PLEKHA8: variants seen among roughly 807,000 people sequenced by gnomAD.
The protein encoded by PLEKHA8 is pleckstrin homology domain-containing family A member 8.
Under a neutral mutation model 68.2 loss-of-function variants are expected in PLEKHA8, and 36 were observed. The ratio of observed to expected loss-of-function variants is 0.53; its 90% CI spans 0.40 to 0.70. The LOEUF (loss-of-function observed/expected upper bound fraction) is 0.70, where lower values mean the gene tolerates loss of function less well. Ranked by LOEUF, PLEKHA8 falls within the 30% of genes least tolerant of loss-of-function variation. PLEKHA8 has a pLI of 0.00. For synonymous variants in PLEKHA8, 211 were observed against 216.1 expected, an observed-to-expected ratio of 0.98 and a Z score of 0.20; for missense variants, 505 against 615.4, an observed-to-expected ratio of 0.82 and a Z score of 1.90.
Position 30,081,819 on chromosome 7 carries a change from T to C in PLEKHA8, c.*3032T>C. On this transcript the variant is annotated 3_prime_UTR_variant, in exon 14 of 14. Transcript: ENST00000449726. The stretch of plus-strand genomic sequence containing the variant: ...CCACACAATTTCATCGTGCCTGTAC[T>C]TTTCTCTATGGTAAAAGCCAGTGTT... 1.0e-6 allele frequency: 1 copy of C among 985,422 alleles called. No homozygotes were observed. The highest frequency in any genetic ancestry group is 5.2e-4 in the Middle Eastern group (1 of 1,914). 61.0% of individuals were successfully genotyped at this position (985,422 alleles called of 1,614,324 possible).
intron 7 of PLEKHA8, 150 bp downstream of exon 7, chr7:30,053,016 C>A: frequency 3.3e-6 from 2 of 602,594 alleles, no homozygotes; most frequent in Non-Finnish European, 5.4e-6. Flanking sequence ...AGTCATATGA[C>A]TGAACAACAT....
intron 13 of PLEKHA8, chr7:30,075,186 G>A (rs1438758235): frequency 1.3e-5 from 2 of 152,142 alleles, no homozygotes; most frequent in African/African-American, 4.8e-5. Context: ...GGTAAAGTGG[G>A]AAGAATGTAC....
rs189692178 is a variant in PLEKHA8, at chr7:30,082,881, A to G, written c.*4094A>G. ...CATTTGGGGAGCTTCCTGGAGGAAAATTAAGTTTTTTTCCTAGCAAACTAC... is the reference window on the plus strand; with the variant it reads ...CATTTGGGGAGCTTCCTGGAGGAAAGTTAAGTTTTTTTCCTAGCAAACTAC... On this transcript the variant is annotated 3_prime_UTR_variant, in exon 14 of 14. Coordinates refer to ENST00000449726, the MANE Select transcript of PLEKHA8 (RefSeq NM_001197026.2). The G allele has an allele frequency of 2.5e-5, 25 of 985,344 alleles. No homozygotes were observed. Among genetic ancestry groups the G allele is most frequent in the Middle Eastern group, 5.2e-4 (1 of 1,914 alleles). The allele number at this position is 985,344 out of a possible 1,614,324, so 61.0% of individuals were successfully genotyped here.
chr7:30,104,600 T>C (rs13236810), intron 13 of PLEKHA8, among the ~76,000 whole-genome samples: 3 of 152,310 alleles, frequency 2.0e-5, no homozygotes, highest in South Asian at 2.1e-4. Context: ...TAGTGTCTTA[T>C]TCCATTTATA....
Position 30,056,312 on chromosome 7 carries a change from C to CTCTCTATATATA in PLEKHA8, c.1039+971_1039+972insCTCTATATATAT, listed in dbSNP as rs796845171. Among the ~76,000 whole-genome samples, 855 of 94,480 alleles carry CTCTCTATATATA rather than the reference C, an allele frequency of 9.0e-3. 21 individuals are homozygous for CTCTCTATATATA. The highest frequency in any genetic ancestry group is 0.011 in the Non-Finnish European group (530 of 47,248). 62.0% of individuals were successfully genotyped at this position (94,480 alleles called of 152,430 possible). A position where few individuals can be genotyped will look rare whatever the true frequency, so the allele number is the denominator to read the frequency against. The stretch of plus-strand genomic sequence containing the variant: ...TCTCTCTCTCTCTCTCTCTCTCTCT[C>CTCTCTATATATA]TATATATATATATATATATAAATAA... On this transcript the variant is annotated intron_variant, in intron 9 of 13. Coordinates refer to ENST00000449726, the MANE Select transcript of PLEKHA8 (RefSeq NM_001197026.2).
intron 4 of PLEKHA8, among the ~76,000 whole-genome samples, chr7:30,048,307 C>T (rs1380376405): frequency 6.6e-6 from 1 of 151,610 alleles, no homozygotes; most frequent in Non-Finnish European, 1.5e-5. Context: ...ATGTTTCTCT[C>T]CAGTTTATAT....
At position 30,028,746 on chromosome 7, in the gene PLEKHA8, G is replaced by T. The variant is rs776020840; in HGVS notation, c.-17G>T. 2.1e-5 allele frequency: 27 copies of T among 1,259,156 alleles called. No homozygotes were observed. The highest frequency in any genetic ancestry group is 2.5e-5 in the Non-Finnish European group (25 of 996,008). 78.0% of individuals were successfully genotyped at this position (1,259,156 alleles called of 1,614,324 possible). On this transcript the variant is annotated 5_prime_UTR_variant, in exon 1 of 14. Coordinates refer to ENST00000449726, the MANE Select transcript of PLEKHA8 (RefSeq NM_001197026.2). ...GTGAGGGGGCCGGCGGGCGTGGGCC[G>T]AGTGGCCGCGGGCGCCATGGAGGGG...
At chr7:30,034,839 A>T (rs1019802281) in intron 1 of PLEKHA8, among the ~76,000 whole-genome samples, 15 of 151,228 alleles carry the variant, frequency 9.9e-5, no homozygotes, top group African/African-American at 3.5e-4. Flanking sequence ...TTTGCAACAC[A>T]AAAGTTTTAA....
intron 13 of PLEKHA8, 89 bp downstream of exon 13, chr7:30,074,221 C>T: frequency 8.6e-7 from 1 of 1,160,418 alleles, no homozygotes; most frequent in South Asian, 1.3e-5. Context: ...AGTTATTTAT[C>T]TAGTCATGAT....
chr7:30,051,600 G>T (rs1385378289), intron 6 of PLEKHA8, among the ~76,000 whole-genome samples: 1 of 152,020 alleles, frequency 6.6e-6, no homozygotes, highest in Non-Finnish European at 1.5e-5. Context: ...GGCTTTTTCT[G>T]TTACCCTAAT....
intron 13 of PLEKHA8, among the ~76,000 whole-genome samples, chr7:30,119,356 A>C (rs1037623650): frequency 1.6e-4 from 25 of 152,172 alleles, no homozygotes; most frequent in African/African-American, 6.0e-4. Context: ...ATGCATGCGG[A>C]GGTTAAATCT....
In PLEKHA8 at chr7:30,078,884, C is replaced by G. The variant is rs774092647; in HGVS notation, c.*97C>G. Reference sequence around the variant, plus strand: ...AGCAACAGCCTCAACCCTCTCCAACCCCTTCACCTGGGGGGATGGACAGGA... The same window carrying G: ...AGCAACAGCCTCAACCCTCTCCAACGCCTTCACCTGGGGGGATGGACAGGA... On this transcript the variant is annotated 3_prime_UTR_variant, in exon 14 of 14. Coordinates refer to ENST00000449726, the MANE Select transcript of PLEKHA8 (RefSeq NM_001197026.2). 3 of 1,476,688 alleles carry G rather than the reference C, an allele frequency of 2.0e-6. No homozygotes were observed. Among genetic ancestry groups the G allele is most frequent in the South Asian group, 2.8e-5 (2 of 70,720 alleles). The allele number at this position is 1,476,688 out of a possible 1,614,324, so 91.5% of individuals were successfully genotyped here.
At chr7:30,119,187 C>T (rs780085162) in intron 13 of PLEKHA8, among the ~76,000 whole-genome samples, 1 of 152,126 alleles carries the variant, frequency 6.6e-6, no homozygotes, top group Non-Finnish European at 1.5e-5. Flanking sequence ...CTTTTCCCAT[C>T]TAGAAAATAG....
chr7:30,083,336 T>C lies in PLEKHA8; in HGVS notation c.*4549T>C. On this transcript the variant is annotated 3_prime_UTR_variant, in exon 14 of 14. Transcript: ENST00000449726. ...TTCATAGTCATTTCATAAAAAATAA[T>C]TCACTAGCTGTCTAATGGTATTTTA... The C allele has an allele frequency of 3.0e-6, 3 of 985,176 alleles. No homozygotes were observed. The South Asian group carries it at 1.4e-4, about 46-fold the overall frequency. The allele number at this position is 985,176 out of a possible 1,614,324, so 61.0% of individuals were successfully genotyped here. A position where few individuals can be genotyped will look rare whatever the true frequency, so the allele number is the denominator to read the frequency against.
chr7:30,115,544 A>G (rs924953239), intron 13 of PLEKHA8, among the ~76,000 whole-genome samples: 9 of 50,608 alleles, frequency 1.8e-4, no homozygotes, highest in Non-Finnish European at 3.6e-4. Context: ...ATATGTACAC[A>G]TGCACGTATA....
downstream of PLEKHA8, among the ~76,000 whole-genome samples, chr7:30,093,696 C>G (rs554161342): frequency 3.3e-5 from 5 of 152,362 alleles, no homozygotes; most frequent in African/African-American, 1.2e-4. Flanking sequence ...TTGCCTTACT[C>G]TCCTGGACAG....
chr7:30,101,497 G>A (rs969052089), intron 13 of PLEKHA8, among the ~76,000 whole-genome samples: 5 of 152,104 alleles, frequency 3.3e-5, no homozygotes, highest in African/African-American at 1.2e-4. Flanking sequence ...TCCTCACATG[G>A]AGGAAGGAGC....
downstream of PLEKHA8, among the ~76,000 whole-genome samples, chr7:30,091,530 G>A (rs185054615): frequency 1.3e-5 from 2 of 151,778 alleles, no homozygotes; most frequent in Admixed American, 6.6e-5. Flanking sequence ...TTACCCACAC[G>A]AAGCTATTGC....
At chr7:30,123,929 A>C (rs1336801001) in intron 13 of PLEKHA8, among the ~76,000 whole-genome samples, 1 of 152,238 alleles carries the variant, frequency 6.6e-6, no homozygotes, top group East Asian at 1.9e-4. Flanking sequence ...ATAATACCAA[A>C]ACATTGATGG....
Sources: allele counts gnomAD v4.1 joint callset (sites outside exome capture counted in the v4.1 genomes callset), GRCh38; gene constraint gnomAD v4.1.1; transcripts MANE v1.5; gene names NCBI Gene and HGNC (gene_info 2026-07-23, HGNC 2026-07-21).